The following RABEP1 variants were observed in gnomAD, a reference collection of about 807,000 sequenced individuals.
RABEP1 encodes the protein rabaptin, RAB GTPase binding effector protein 1.
A neutral mutation model predicts 123.4 loss-of-function variants in RABEP1; 51 were observed. That is an observed-to-expected ratio of 0.41 (90% CI 0.33 to 0.52). The LOEUF (loss-of-function observed/expected upper bound fraction) is 0.52. Among genes scored for constraint, RABEP1 ranks in the 20% least tolerant of loss-of-function variants. RABEP1 has a pLI of 0.16. For synonymous variants in RABEP1, 347 were observed against 355.2 expected (o/e 0.98, Z 0.26); for missense variants, 888 against 996.3 (o/e 0.89, Z 1.46).
intron 2 of RABEP1, among the ~76,000 whole-genome samples, chr17:5,330,474 C>G (rs1346803795): frequency 6.6e-6 from 1 of 152,146 alleles, no homozygotes; most frequent in Non-Finnish European, 1.5e-5. Flanking sequence ...TCTTATTTTA[C>G]TATTGGATTT....
At chr17:5,355,615 A>G (rs1458847175) in intron 8 of RABEP1, among the ~76,000 whole-genome samples, 2 of 152,166 alleles carry the variant, frequency 1.3e-5, no homozygotes, top group African/African-American at 4.8e-5. Flanking sequence ...TGGTGAATGA[A>G]TTGCACTTAA....
intron 2 of RABEP1, among the ~76,000 whole-genome samples, chr17:5,327,476 C>G (rs566727540): frequency 1.3e-5 from 2 of 152,268 alleles, no homozygotes; most frequent in East Asian, 3.9e-4. Flanking sequence ...TTTTCAGCCC[C>G]TATAATCTCA....
intron 1 of RABEP1, among the ~76,000 whole-genome samples, chr17:5,284,343 A>G (rs938835432): frequency 1.8e-4 from 27 of 152,152 alleles, no homozygotes; most frequent in African/African-American, 6.3e-4. Flanking sequence ...GTTTGCATAG[A>G]TTGCAATTTT....
intron 1 of RABEP1, among the ~76,000 whole-genome samples, chr17:5,301,561 G>A (rs1482388502): frequency 6.6e-6 from 1 of 152,120 alleles, no homozygotes; most frequent in Non-Finnish European, 1.5e-5. Context: ...ATAAATCCAT[G>A]TACTGCTTTC....
Position 5,350,634 on chromosome 17 carries a change from A to G in RABEP1, c.963+5A>G. On this transcript the variant is annotated splice_donor_5th_base_variant and intron_variant, in intron 7 of 17. Coordinates refer to ENST00000537505, the MANE Select transcript of RABEP1 (RefSeq NM_004703.6). ...GAACTGAAGAAGAAAGATCAGGTGA[A>G]TAGAAGTTTTTAGGACTGATTTGCT... is the stretch of plus-strand genomic sequence containing the variant. The G allele has an allele frequency of 6.2e-7, 1 of 1,613,546 alleles. No homozygotes were observed.
intron 7 of RABEP1, 28 bp from the exon 8 acceptor site, chr17:5,354,331 C>T: frequency 6.3e-7 from 1 of 1,584,062 alleles, no homozygotes; most frequent in Non-Finnish European, 8.6e-7. Flanking sequence ...TTACTTGGGT[C>T]ATATATATGT....
At chr17:5,327,452 T>C (rs118082575) in intron 2 of RABEP1, among the ~76,000 whole-genome samples, 2,461 of 152,218 alleles carry the variant, frequency 0.016, 32 homozygotes, top group Middle Eastern at 0.051. Flanking sequence ...TAGATGTCAC[T>C]AGGCAGTAAG....
In RABEP1 at chr17:5,335,253, A is replaced by G. The variant is rs757563651; in HGVS notation, c.437A>G (p.Tyr146Cys). 2 of 1,614,090 alleles carry G rather than the reference A, an allele frequency of 1.2e-6. No homozygotes were observed. The highest frequency in any genetic ancestry group is 1.7e-6 in the Non-Finnish European group (2 of 1,179,936). The stretch of plus-strand genomic sequence containing the variant: ...CAGGAGCGAACACAGTGGGCACAGT[A>G]TAGAGAATCCGCAGAGAGGGAAATA... Reference protein sequence around the residue: ...LEQERTQWAQYRESAEREIAD... With the variant: ...LEQERTQWAQCRESAEREIAD... The change falls in exon 4 of 18, where the codon TAT (tyrosine) becomes TGT (cysteine). Residue 146 changes from tyrosine (Y) to cysteine (C), a missense_variant. By Grantham distance (194) the Tyr-to-Cys change is radical (BLOSUM62 -2). Transcript: ENST00000537505.
At chr17:5,296,142 G>A (rs1013138570) in intron 1 of RABEP1, among the ~76,000 whole-genome samples, 5 of 152,142 alleles carry the variant, frequency 3.3e-5, no homozygotes, top group Admixed American at 1.3e-4. Flanking sequence ...TGGTTGTGAT[G>A]GATTGTTATT....
Position 5,377,160 on chromosome 17 carries a change from T to C in RABEP1, c.2070T>C (p.Asn690=). The C allele has an allele frequency of 6.2e-7, 1 of 1,609,708 alleles. No individual in the cohort carries two copies. The highest frequency in any genetic ancestry group is 8.5e-7 in the Non-Finnish European group (1 of 1,179,018). ...TAAAATACCGTGAGGACATCATTAA[T>C]GTGCGGACAGCAGCAGACCACGTAG... ...LVLKYREDII[N]VRTAADHVEE... is the part of the protein sequence containing the mutation. Residue 690 remains asparagine (N), a synonymous_variant, in exon 14 of 18, where the codon AAT becomes AAC. Coordinates refer to ENST00000537505, the MANE Select transcript of RABEP1 (RefSeq NM_004703.6).
intron 12 of RABEP1, among the ~76,000 whole-genome samples, chr17:5,372,426 G>A (rs1910594137): frequency 6.6e-6 from 1 of 152,132 alleles, no homozygotes; most frequent in African/African-American, 2.4e-5. Context: ...ATTCCAGCCT[G>A]GGCTACAGAG....
In RABEP1 at chr17:5,385,474, G is replaced by C. The variant is rs1058400; in HGVS notation, c.*2251G>C. 98,040 of 230,022 alleles carry C rather than the reference G, an allele frequency of 0.43. 21,712 individuals are homozygous for C. Among genetic ancestry groups the C allele is most frequent in the East Asian group, 0.67 (10,773 of 16,142 alleles). The allele number at this position is 230,022 out of a possible 1,614,324, so 14.2% of individuals were successfully genotyped here. Reference sequence around the variant, plus strand: ...CAGCCATTTCTAAGCAGATATAGTAGTACCTTTCAGAACTCACATTGGCAA... The same window carrying C: ...CAGCCATTTCTAAGCAGATATAGTACTACCTTTCAGAACTCACATTGGCAA... On this transcript the variant is annotated 3_prime_UTR_variant, in exon 18 of 18. Coordinates refer to ENST00000537505, the MANE Select transcript of RABEP1 (RefSeq NM_004703.6).
At chr17:5,350,683 A>C in intron 7 of RABEP1, 54 bp downstream of exon 7, 1 of 1,565,112 alleles carries the variant, frequency 6.4e-7, no homozygotes, top group Non-Finnish European at 8.8e-7. Flanking sequence ...CCCCCACCAC[A>C]TGTGATTGCA....
chr17:5,282,466 C>A lies in RABEP1; in HGVS notation c.-21C>A. 7.4e-7 allele frequency: 1 copy of A among 1,346,408 alleles called. No individual in the cohort carries two copies. The highest frequency in any genetic ancestry group is 1.8e-5 in the South Asian group (1 of 55,318). 83.4% of individuals were successfully genotyped at this position (1,346,408 alleles called of 1,614,324 possible). On this transcript the variant is annotated 5_prime_UTR_variant, in exon 1 of 18. Coordinates refer to ENST00000537505, the MANE Select transcript of RABEP1 (RefSeq NM_004703.6). ...GCCGCTTCCCCGCCCATCCCCGCTC[C>A]CCGAGGCCGGCCGCCTGGTCATGGC...
intron 8 of RABEP1, among the ~76,000 whole-genome samples, chr17:5,358,748 G>GTGGGC (rs1409469984): frequency 1.3e-5 from 2 of 151,944 alleles, no homozygotes; most frequent in African/African-American, 4.8e-5. Context: ...GTAGTCTGAT[G>GTGGGC]TGGGGTCTTT....
At chr17:5,336,343 T>G (rs1907083611) in intron 4 of RABEP1, 2 of 362,890 alleles carry the variant, frequency 5.5e-6, no homozygotes, top group Admixed American at 8.2e-5. Context: ...CATGCCTAGT[T>G]TCTCCTGTTG....
intron 5 of RABEP1, among the ~76,000 whole-genome samples, chr17:5,345,339 T>G (rs1191258825): frequency 6.6e-6 from 1 of 152,196 alleles, no homozygotes; most frequent in Non-Finnish European, 1.5e-5. Flanking sequence ...GTTTGTACCC[T>G]CTCCTTGTCA....
chr17:5,296,870 G>T (rs2075088316), intron 1 of RABEP1, among the ~76,000 whole-genome samples: 1 of 152,138 alleles, frequency 6.6e-6, no homozygotes, highest in Admixed American at 6.5e-5. Flanking sequence ...CTTCTGAGCA[G>T]CTGGGACTAC....
At chr17:5,311,170 C>A (rs1414742210) in intron 2 of RABEP1, among the ~76,000 whole-genome samples, 1 of 152,120 alleles carries the variant, frequency 6.6e-6, no homozygotes, top group African/African-American at 2.4e-5. Context: ...GGCTTCCCCC[C>A]TCAGAGACGC....
Sources: gnomAD v4.1 joint callset for allele counts (sites outside exome capture counted in the v4.1 genomes callset) on GRCh38, gnomAD v4.1.1 for gene constraint, MANE v1.5 for transcripts, NCBI Gene and HGNC (gene_info 2026-07-23, HGNC 2026-07-21) for gene names.